The following DHCR24 variants were observed in gnomAD, a reference collection of about 807,000 sequenced individuals.
The protein encoded by DHCR24 is delta(24)-sterol reductase.
DHCR24 carries 28 observed loss-of-function variants against 61.2 expected under a neutral mutation model. That is an observed-to-expected ratio of 0.46 (90% CI 0.34 to 0.63). The LOEUF (loss-of-function observed/expected upper bound fraction) is 0.63. Among genes scored for constraint, DHCR24 ranks in the 20% least tolerant of loss-of-function variants. The probability of loss-of-function intolerance (pLI) is 0.01; values close to 1 mark genes in which losing one functional copy is unlikely to be tolerated. For missense variants in DHCR24, 538 were observed against 679.1 expected, an observed-to-expected ratio of 0.79 and a Z score of 2.31; for synonymous variants, 261 against 275.9, an observed-to-expected ratio of 0.95 and a Z score of 0.54.
rs545948766 is a variant in DHCR24, at chr1:54,871,680, G to C, written c.613-67C>G. ...CCCCACATTGTGGCATGCAGTCAGT[G>C]GGGGAGCAAAGCCTGGGAGAGTCCC... On this transcript the variant is annotated intron_variant, in intron 4 of 8. Transcript: ENST00000371269. 3.2e-5 allele frequency: 52 copies of C among 1,606,588 alleles called. No homozygotes were observed. The African/African-American group carries it at 3.3e-4, about 10-fold the overall frequency.
intron 6 of DHCR24, among the ~76,000 whole-genome samples, chr1:54,859,722 G>A (rs1228260758): frequency 6.6e-6 from 1 of 152,144 alleles, no homozygotes; most frequent in Non-Finnish European, 1.5e-5. Context: ...TCTCATCTAT[G>A]GAATGGAAAT....
At chr1:54,879,686 A>G (rs1647054865) in intron 2 of DHCR24, among the ~76,000 whole-genome samples, 1 of 152,218 alleles carries the variant, frequency 6.6e-6, no homozygotes, top group African/African-American at 2.4e-5. Context: ...AATTATGAAT[A>G]AAACTATACC....
intron 6 of DHCR24, among the ~76,000 whole-genome samples, chr1:54,863,328 C>G (rs893153637): frequency 3.9e-5 from 6 of 152,182 alleles, no homozygotes; most frequent in Non-Finnish European, 8.8e-5. Context: ...AAAATCAGGC[C>G]ATGCCACTTT....
chr1:54,857,325 G>A (rs574383468), intron 6 of DHCR24, among the ~76,000 whole-genome samples: 2 of 152,376 alleles, frequency 1.3e-5, no homozygotes, highest in South Asian at 4.1e-4. Flanking sequence ...GGCCCAGCCT[G>A]AGCCAGGAAC....
rs1557428253 is a variant in DHCR24 at position 54,852,330 on chromosome 1, A to G, written c.1454T>C (p.Phe485Ser). The G allele has an allele frequency of 2.5e-6, 4 of 1,614,208 alleles. No homozygotes were observed. Among genetic ancestry groups the G allele is most frequent in the East Asian group, 2.2e-5 (1 of 44,874 alleles). ...CAGCTTGTGGTACAAGGAGCCATCA[A>G]ACATCTCCCAGAACTCCTCCCGGTT... The part of the protein sequence containing the change: ...YMNREEFWEM[F>S]DGSLYHKLRE... Residue 485 changes from phenylalanine (F) to serine (S), a missense_variant, in exon 9 of 9, where the codon TTT becomes TCT. Phe to Ser is a radical substitution (Grantham distance 155). Transcript: ENST00000371269.
At chr1:54,881,559 A>G (rs1161639843) in intron 2 of DHCR24, among the ~76,000 whole-genome samples, 1 of 152,224 alleles carries the variant, frequency 6.6e-6, no homozygotes, top group African/African-American at 2.4e-5. Context: ...AATTAGTTCA[A>G]CCATGTGGGA....
chr1:54,860,564 A>T (rs1313479556), intron 6 of DHCR24, among the ~76,000 whole-genome samples: 2 of 152,182 alleles, frequency 1.3e-5, no homozygotes, highest in Non-Finnish European at 2.9e-5. Context: ...ACTTGGAAAC[A>T]TGTGCCCAAT....
chr1:54,868,196 C>T (rs1196933624), intron 5 of DHCR24, among the ~76,000 whole-genome samples: 2 of 152,182 alleles, frequency 1.3e-5, no homozygotes, highest in Admixed American at 6.5e-5. Context: ...ATTGGCCGGG[C>T]GCAGTGGCTC....
In DHCR24 at chr1:54,871,630, A is replaced by G. The variant is rs756361953; in HGVS notation, c.613-17T>C. 9.3e-6 allele frequency: 15 copies of G among 1,613,928 alleles called. No individual in the cohort carries two copies. On this transcript the variant is annotated splice_polypyrimidine_tract_variant and intron_variant, in intron 4 of 8. Transcript: ENST00000371269. ...GTTTTCGGACTGTGAGACAGAATTGATGTGTTGTGAGCTGAAACCTTGGGC... is the reference window on the plus strand; with the variant it reads ...GTTTTCGGACTGTGAGACAGAATTGGTGTGTTGTGAGCTGAAACCTTGGGC...
At chr1:54,863,404 A>G (rs1646949386) in intron 6 of DHCR24, among the ~76,000 whole-genome samples, 2 of 152,176 alleles carry the variant, frequency 1.3e-5, no homozygotes, top group African/African-American at 4.8e-5. Context: ...TTCCTAACCT[A>G]CAAGGAGCCA....
At chr1:54,853,285 A>T in intron 8 of DHCR24, 149 bp downstream of exon 8, 1 of 1,016,802 alleles carries the variant, frequency 9.8e-7, no homozygotes, top group Non-Finnish European at 1.5e-6. Context: ...TTACCTCCTG[A>T]CCCAGAGGCT....
intron 6 of DHCR24, among the ~76,000 whole-genome samples, chr1:54,856,364 G>A (rs1056666472): frequency 6.6e-6 from 1 of 152,182 alleles, no homozygotes; most frequent in African/African-American, 2.4e-5. Flanking sequence ...TTGGGAGGCT[G>A]AGCGGGCAGA....
intron 6 of DHCR24, among the ~76,000 whole-genome samples, chr1:54,859,530 C>T (rs1484095410): frequency 6.6e-6 from 1 of 151,918 alleles, no homozygotes; most frequent in Admixed American, 6.6e-5. Context: ...CTGGAGTACA[C>T]TGGCGTGATC....
intron 6 of DHCR24, among the ~76,000 whole-genome samples, chr1:54,862,853 G>A (rs568480301): frequency 6.6e-6 from 1 of 152,148 alleles, no homozygotes; most frequent in African/African-American, 2.4e-5. Context: ...GAGGCGGGTG[G>A]ATCACGAGGT....
At position 54,852,300 on chromosome 1, in the gene DHCR24, T is replaced by A; in HGVS notation, c.1484A>T (p.Glu495Val). ...GAAGGCGTCCTGGCAACCCAGCTTC[T>A]CTCGCAGCTTGTGGTACAAGGAGCC... ...FDGSLYHKLR[E>V]KLGCQDAFPE... Residue 495 changes from glutamate (E) to valine (V), a missense_variant, in exon 9 of 9, where the codon GAG (glutamate) becomes GTG (valine). Coordinates refer to ENST00000371269, the MANE Select transcript of DHCR24 (RefSeq NM_014762.4). 1.2e-6 allele frequency: 2 copies of A among 1,614,218 alleles called. No individual in the cohort carries two copies. Among genetic ancestry groups the A allele is most frequent in the East Asian group, 4.5e-5 (2 of 44,878 alleles).
chr1:54,865,212 G>A lies in DHCR24; in HGVS notation c.1020+91C>T, dbSNP rs1384984494. ...TTAGGACAAAGCCACTCTTTACCCT[G>A]AAGGGAGAGAGTATGGCTACAGTGT... On this transcript the variant is annotated intron_variant, in intron 6 of 8. Coordinates refer to ENST00000371269, the MANE Select transcript of DHCR24 (RefSeq NM_014762.4). 6.1e-6 allele frequency: 9 copies of A among 1,481,058 alleles called. No homozygotes were observed. In the African/African-American group the frequency reaches 1.1e-4, roughly 18 times the overall value. The allele number at this position is 1,481,058 out of a possible 1,614,324, so 91.7% of individuals were successfully genotyped here. A position where few individuals can be genotyped will look rare whatever the true frequency, so the allele number is the denominator to read the frequency against.
Position 54,850,903 on chromosome 1 carries a change from C to T in DHCR24, c.*1330G>A, listed in dbSNP as rs1206839919. On this transcript the variant is annotated 3_prime_UTR_variant, in exon 9 of 9. Transcript: ENST00000371269. ...TAGAGAGGGGCTGAAACCTAGGTCT[C>T]CTGACTCACACGCCACAACCATGAC... 1 of 152,226 alleles carries T rather than the reference C, an allele frequency of 6.6e-6. No homozygotes were observed. The highest frequency in any genetic ancestry group is 1.5e-5 in the Non-Finnish European group (1 of 68,040). 9.4% of individuals were successfully genotyped at this position (152,226 alleles called of 1,614,324 possible).
chr1:54,852,217 C>G lies in DHCR24; in HGVS notation c.*16G>C, dbSNP rs1166013210. 2.5e-6 allele frequency: 4 copies of G among 1,614,022 alleles called. No individual in the cohort carries two copies. The African/African-American group carries it at 5.3e-5, about 22-fold the overall frequency. ...TGACCACTCACACGTGTCTGTCTCTCCAGGCGGGCTCCAGCTCAGTGCCTG... is the reference window on the plus strand; with the variant it reads ...TGACCACTCACACGTGTCTGTCTCTGCAGGCGGGCTCCAGCTCAGTGCCTG... On this transcript the variant is annotated 3_prime_UTR_variant, in exon 9 of 9. Transcript: ENST00000371269.
intron 6 of DHCR24, among the ~76,000 whole-genome samples, chr1:54,856,128 G>A (rs984943727): frequency 2.0e-5 from 3 of 152,172 alleles, no homozygotes; most frequent in African/African-American, 4.8e-5. Context: ...TACTGCCTTC[G>A]GTTGTGGGTG....
Sources: gnomAD v4.1 joint callset for allele counts (sites outside exome capture counted in the v4.1 genomes callset) on GRCh38, gnomAD v4.1.1 for gene constraint, MANE v1.5 for transcripts, NCBI Gene and HGNC (gene_info 2026-07-23, HGNC 2026-07-21) for gene names.